Variants in DNAH12 observed in about 807,000 individuals in gnomAD.
The protein encoded by DNAH12 is dynein axonemal heavy chain 12, also known as axonemal beta dynein heavy chain 12.
A neutral mutation model predicts 371.5 loss-of-function variants in DNAH12; 285 were observed. The ratio of observed to expected loss-of-function variants is 0.77; its 90% CI spans 0.70 to 0.85. DNAH12 has a LOEUF of 0.85. Among genes scored for constraint, DNAH12 ranks in the 40% least tolerant of loss-of-function variants. The probability of loss-of-function intolerance (pLI) is 0.00; values close to 1 mark genes in which losing one functional copy is unlikely to be tolerated. For synonymous variants in DNAH12, 1,200 were observed against 1,213.0 expected (o/e 0.99, Z 0.22); for missense variants, 3,611 against 3,689.4 (o/e 0.98, Z 0.55).
Position 57,461,700 on chromosome 3 carries a change from G to T in DNAH12, c.2536-11C>A. On this transcript the variant is annotated splice_polypyrimidine_tract_variant and intron_variant, in intron 18 of 73. Coordinates refer to ENST00000495027, the MANE Select transcript of DNAH12 (RefSeq NM_001366028.2). ...CTCTAATGAAAATTCCTAAAACGGA[G>T]GAATGAAGAAAGAACGGGATGGTGA... The T allele has an allele frequency of 6.5e-7, 1 of 1,547,336 alleles. No homozygotes were observed.
chr3:57,503,412 C>T (rs1255406973), intron 9 of DNAH12, among the ~76,000 whole-genome samples: 2 of 146,302 alleles, frequency 1.4e-5, no homozygotes, highest in African/African-American at 2.6e-5. Flanking sequence ...TTTTTTGAGA[C>T]GGAGTCTCAC....
chr3:57,392,897 A>G (rs907979383), intron 44 of DNAH12, among the ~76,000 whole-genome samples: 7 of 152,172 alleles, frequency 4.6e-5, no homozygotes, highest in Non-Finnish European at 8.8e-5. Flanking sequence ...CATATGGAGG[A>G]TGCATTTCTC....
chr3:57,504,404 C>CACAT (rs1491170915), intron 8 of DNAH12, among the ~76,000 whole-genome samples, 200 bp from the exon 9 acceptor site: 3 of 139,848 alleles, frequency 2.1e-5, no homozygotes, highest in African/African-American at 8.1e-5. Flanking sequence ...CACACACACA[C>CACAT]ATATATATAT....
chr3:57,443,106 TTTTA>T lies in DNAH12; in HGVS notation c.4545+1587_4545+1590del, dbSNP rs1317605862. On this transcript the variant is annotated intron_variant, in intron 29 of 73. Transcript: ENST00000495027. Reference sequence around the variant, plus strand: ...TGAGATTGTTTTGTTTGTAATGTTATTTTATTTATTATTTTTATTTTAAGATGGA... The same window carrying T: ...TGAGATTGTTTTGTTTGTAATGTTATTTTATTATTTTTATTTTAAGATGGA... Among the ~76,000 whole-genome samples, 5 of 148,668 alleles carry T rather than the reference TTTTA, an allele frequency of 3.4e-5. No homozygotes were observed. The South Asian group carries it at 6.3e-4, about 19-fold the overall frequency.
chr3:57,515,827 C>T (rs1272405773), intron 4 of DNAH12, among the ~76,000 whole-genome samples: 1 of 151,868 alleles, frequency 6.6e-6, no homozygotes, highest in African/African-American at 2.4e-5. Flanking sequence ...AAGATGTTAA[C>T]ATTATGGGAA....
intron 32 of DNAH12, among the ~76,000 whole-genome samples, chr3:57,432,644 A>C (rs1196057181): frequency 6.6e-6 from 1 of 152,200 alleles, no homozygotes; most frequent in African/African-American, 2.4e-5. Flanking sequence ...CATCACACAT[A>C]TATTGATTTA....
chr3:57,439,361 C>T (rs2065235153), intron 29 of DNAH12, among the ~76,000 whole-genome samples: 1 of 152,130 alleles, frequency 6.6e-6, no homozygotes, highest in South Asian at 2.1e-4. Context: ...GTGACACAGA[C>T]CAATAGAATG....
intron 4 of DNAH12, among the ~76,000 whole-genome samples, chr3:57,513,822 A>G (rs1470482375): frequency 6.6e-6 from 1 of 152,162 alleles, no homozygotes; most frequent in African/African-American, 2.4e-5. Flanking sequence ...TTGTGAAACT[A>G]TGGGGAAGCA....
At chr3:57,471,444 T>C (rs1254474708) in intron 15 of DNAH12, 28 bp downstream of exon 15, 3 of 1,513,204 alleles carry the variant, frequency 2.0e-6, no homozygotes, top group Non-Finnish European at 1.8e-6. Flanking sequence ...GGGCTGGCCA[T>C]AGCTATTGTC....
intron 62 of DNAH12, among the ~76,000 whole-genome samples, chr3:57,327,345 T>G (rs2061974599): frequency 1.3e-5 from 2 of 151,216 alleles, no homozygotes; most frequent in Admixed American, 6.6e-5. Context: ...AGAACAGAAA[T>G]TATAACAAAC....
chr3:57,323,303 A>T lies in DNAH12; in HGVS notation c.10130-43T>A, dbSNP rs1011779001. ...AAATGGTCACACTACTTACTCTAAAATTATAAAAAAGTGCCTTATGTATAG... is the reference window on the plus strand; with the variant it reads ...AAATGGTCACACTACTTACTCTAAATTTATAAAAAAGTGCCTTATGTATAG... On this transcript the variant is annotated intron_variant, in intron 63 of 73. Transcript: ENST00000495027. 19 of 1,527,198 alleles carry T rather than the reference A, an allele frequency of 1.2e-5. No homozygotes were observed. The African/African-American group carries it at 2.2e-4, about 18-fold the overall frequency. 94.6% of individuals were successfully genotyped at this position (1,527,198 alleles called of 1,614,324 possible).
intron 17 of DNAH12, among the ~76,000 whole-genome samples, chr3:57,466,137 C>T (rs1294757405): frequency 6.6e-6 from 1 of 151,896 alleles, no homozygotes; most frequent in Admixed American, 6.6e-5. Context: ...AATGAAGAAG[C>T]TCCCTATATA....
At chr3:57,361,473 T>TATATATATATGTATATATATATA (rs1575503074) in intron 58 of DNAH12, among the ~76,000 whole-genome samples, 1 of 141,988 alleles carries the variant, frequency 7.0e-6, no homozygotes, top group African/African-American at 2.9e-5. Context: ...TATATATATC[T>TATATATATATGTATATATATATA]CATTCAGCTC....
chr3:57,300,743 T>G (rs1190385658), intron 70 of DNAH12, among the ~76,000 whole-genome samples: 1 of 152,188 alleles, frequency 6.6e-6, no homozygotes. Context: ...AGAAAGCTTT[T>G]GTGCAATAAA....
At chr3:57,370,751 G>A (rs2063152840) in intron 55 of DNAH12, among the ~76,000 whole-genome samples, 1 of 152,110 alleles carries the variant, frequency 6.6e-6, no homozygotes, top group African/African-American at 2.4e-5. Flanking sequence ...AAACACAGGT[G>A]CCCAAACAGA....
At chr3:57,395,259 G>C (rs2063713875) in intron 43 of DNAH12, among the ~76,000 whole-genome samples, 1 of 151,998 alleles carries the variant, frequency 6.6e-6, no homozygotes, top group African/African-American at 2.4e-5. Context: ...TTACATCATG[G>C]AAATTGGAAA....
intron 65 of DNAH12, among the ~76,000 whole-genome samples, chr3:57,318,443 C>G (rs956557557): frequency 1.3e-5 from 2 of 152,054 alleles, no homozygotes; most frequent in South Asian, 2.1e-4. Flanking sequence ...ATTCTTGGCA[C>G]CTTTGTCAAA....
rs905126572 is a variant in DNAH12 at position 57,376,219 on chromosome 3, A to C, written c.8466-254T>G. Among the ~76,000 whole-genome samples, 1,112 of 151,906 alleles carry C rather than the reference A, an allele frequency of 7.3e-3. 13 individuals carry two copies. The highest frequency in any genetic ancestry group is 0.025 in the African/African-American group (1,033 of 41,442). On this transcript the variant is annotated intron_variant, in intron 53 of 73. Transcript: ENST00000495027. The stretch of plus-strand genomic sequence containing the variant: ...CTTGCAGGACTTGGCCCTTCAGAAA[A>C]AGAAAAAAAAAAACAAAACCCAAAC...
At chr3:57,490,865 G>T (rs1432177213) in intron 11 of DNAH12, among the ~76,000 whole-genome samples, 1 of 152,018 alleles carries the variant, frequency 6.6e-6, no homozygotes, top group Non-Finnish European at 1.5e-5. Context: ...GAGGCGGGTG[G>T]ACCACCTGAG....
Sources: allele counts gnomAD v4.1 joint callset (sites outside exome capture counted in the v4.1 genomes callset), GRCh38; gene constraint gnomAD v4.1.1; transcripts MANE v1.5; gene names NCBI Gene and HGNC (gene_info 2026-07-23, HGNC 2026-07-21).